The following CYGB variants were observed in gnomAD, a reference collection of about 807,000 sequenced individuals.
CYGB encodes histoglobin.
In CYGB, 13 loss-of-function variants were observed where a neutral mutation model predicts 20.7. The observed-to-expected ratio is 0.63, with a 90% CI of 0.41 to 1.00. The LOEUF is 1.00. CYGB is among the 50% of genes least tolerant of loss of function. The probability of loss-of-function intolerance (pLI) is 0.00; values close to 1 mark genes in which losing one functional copy is unlikely to be tolerated. For missense variants in CYGB, 218 were observed against 257.2 expected (o/e 0.85, Z 1.04); for synonymous variants, 93 against 107.4 (o/e 0.87, Z 0.83).
rs2074780719 is a variant in CYGB, at chr17:76,527,408, C to T, written c.*1170G>A. ...CACAGCTGGGTCTGGTTACAAACAT[C>T]AGAAACTAGAAAAGGAGGACGGGCG... is the stretch of plus-strand genomic sequence containing the variant. On this transcript the variant is annotated 3_prime_UTR_variant, in exon 4 of 4. Coordinates refer to ENST00000293230, the MANE Select transcript of CYGB (RefSeq NM_134268.5). 5.5e-6 allele frequency: 2 copies of T among 362,168 alleles called. No individual in the cohort carries two copies. The highest frequency in any genetic ancestry group is 2.1e-5 in the African/African-American group (1 of 46,716). The allele number at this position is 362,168 out of a possible 1,614,324, so 22.4% of individuals were successfully genotyped here. A position where few individuals can be genotyped will look rare whatever the true frequency, so the allele number is the denominator to read the frequency against.
At position 76,546,806 on chromosome 17, in the gene CYGB, A is replaced by G. The variant is rs2075057980; in HGVS notation, c.-53+4056T>C. The G allele has an allele frequency of 6.6e-6, 1 of 152,180 alleles. No homozygotes were observed. The highest frequency in any genetic ancestry group is 6.5e-5 in the Admixed American group (1 of 15,278). The allele number at this position is 152,180 out of a possible 1,614,324, so 9.4% of individuals were successfully genotyped here. ...TGCTAGGCACTGTGCCAGCTGCTGT[A>G]TTTTACGCACTGTTTCATTTATGCG... On this transcript the variant is annotated intron_variant, in intron 1 of 3. Coordinates refer to the CYGB transcript ENST00000589145. This position sits in a 1 kb window ranked among gnomAD's most constrained non-coding sequence, Gnocchi z 4.5.
At chr17:76,537,158 G>A (rs960115036) in intron 1 of CYGB, among the ~76,000 whole-genome samples, 1 of 152,208 alleles carries the variant, frequency 6.6e-6, no homozygotes, top group African/African-American at 2.4e-5. Flanking sequence ...GAGGGGGACC[G>A]AGGTGCTCTC....
intron 1 of CYGB, among the ~76,000 whole-genome samples, chr17:76,534,012 T>C (rs2074880843): frequency 6.6e-6 from 1 of 152,204 alleles, no homozygotes; most frequent in African/African-American, 2.4e-5. Context: ...TACTCCAGCT[T>C]GGGTGACAGA....
At position 76,530,070 on chromosome 17, in the gene CYGB, G is replaced by A. The variant is rs1272399236; in HGVS notation, c.539+909C>T. The A allele has an allele frequency of 5.1e-6, 5 of 985,142 alleles. No individual in the cohort carries two copies. The highest frequency in any genetic ancestry group is 6.0e-6 in the Non-Finnish European group (5 of 829,862). 61.0% of individuals were successfully genotyped at this position (985,142 alleles called of 1,614,324 possible). On this transcript the variant is annotated intron_variant, in intron 3 of 3. Coordinates refer to ENST00000293230, the MANE Select transcript of CYGB (RefSeq NM_134268.5). The surrounding 1 kb of genome is among the most constrained non-coding windows in gnomAD (Gnocchi z 6.1). ...CTTGGGGGCCCGTGCAGAGCCCGGC[G>A]GGAGACGCCGCCTTTTCCATGGGAA...
In CYGB at chr17:76,531,777, A is replaced by T. The variant is rs888196367; in HGVS notation, c.144-86T>A. The T allele has an allele frequency of 2.8e-6, 3 of 1,077,214 alleles. No individual in the cohort carries two copies. Among genetic ancestry groups the T allele is most frequent in the Non-Finnish European group, 4.1e-6 (3 of 739,670 alleles). The allele number at this position is 1,077,214 out of a possible 1,614,324, so 66.7% of individuals were successfully genotyped here. A position where few individuals can be genotyped will look rare whatever the true frequency, so the allele number is the denominator to read the frequency against. ...CTTCCAGGATAGTGGGGGCTGAAGA[A>T]GTGGACCGCAGTGCTCCCCACCCCC... On this transcript the variant is annotated intron_variant, in intron 1 of 3. Coordinates refer to ENST00000293230, the MANE Select transcript of CYGB (RefSeq NM_134268.5). The surrounding 1 kb of genome is among the most constrained non-coding windows in gnomAD (Gnocchi z 7.4).
chr17:76,546,766 T>G lies in CYGB; in HGVS notation c.-53+4096A>C, dbSNP rs1032468204. 1 of 152,226 alleles carries G rather than the reference T, an allele frequency of 6.6e-6. No homozygotes were observed. The highest frequency in any genetic ancestry group is 2.4e-5 in the African/African-American group (1 of 41,442). The allele number at this position is 152,226 out of a possible 1,614,324, so 9.4% of individuals were successfully genotyped here. On this transcript the variant is annotated intron_variant, in intron 1 of 3. Transcript: ENST00000589145. The surrounding 1 kb of genome is among the most constrained non-coding windows in gnomAD (Gnocchi z 4.5). The stretch of plus-strand genomic sequence containing the variant: ...ATGATTAATAACCACTAACATGCAT[T>G]GGGCGCTTACTATGTGCTAGGCACT...
intron 1 of CYGB, chr17:76,550,486 TC>T (rs999632792): frequency 6.4e-4 from 98 of 152,158 alleles, no homozygotes; most frequent in African/African-American, 2.3e-3. Context: ...GGTCTCAAAC[TC>T]CTGACCTCAG....
At position 76,530,857 on chromosome 17, in the gene CYGB, C is replaced by G. The variant is rs1174362776; in HGVS notation, c.539+122G>C. ...CTTACATGTCAGACCCCAGGGTTGG[C>G]CTGCCTCAAGTGTGCCTGCCCAGGT... On this transcript the variant is annotated intron_variant, in intron 3 of 3. Transcript: ENST00000293230. This position sits in a 1 kb window ranked among gnomAD's most constrained non-coding sequence, Gnocchi z 6.1. 3 of 1,161,892 alleles carry G rather than the reference C, an allele frequency of 2.6e-6. No individual in the cohort carries two copies. The highest frequency in any genetic ancestry group is 2.9e-5 in the Admixed American group (1 of 35,004). The allele number at this position is 1,161,892 out of a possible 1,614,324, so 72.0% of individuals were successfully genotyped here.
rs1020216741 is a variant in CYGB, at chr17:76,537,642, C to G, written c.-100G>C. 2 of 964,944 alleles carry G rather than the reference C, an allele frequency of 2.1e-6. No homozygotes were observed. Among genetic ancestry groups the G allele is most frequent in the African/African-American group, 1.8e-5 (1 of 55,146 alleles). The allele number at this position is 964,944 out of a possible 1,614,324, so 59.8% of individuals were successfully genotyped here. A position where few individuals can be genotyped will look rare whatever the true frequency, so the allele number is the denominator to read the frequency against. ...CGGGAGCCGGGGCCGGCTGCGTGCGCGGCGGGCGGGCGAGGGGTAGAGCGC... is the reference window on the plus strand; with the variant it reads ...CGGGAGCCGGGGCCGGCTGCGTGCGGGGCGGGCGGGCGAGGGGTAGAGCGC... On this transcript the variant is annotated 5_prime_UTR_variant, in exon 1 of 4. Transcript: ENST00000293230.
At chr17:76,535,375 G>A (rs2074903412) in intron 1 of CYGB, among the ~76,000 whole-genome samples, 2 of 152,166 alleles carry the variant, frequency 1.3e-5, no homozygotes, top group African/African-American at 2.4e-5. Flanking sequence ...CAAGACTGAC[G>A]GGCCCAGGAT....
At chr17:76,544,045 G>A (rs1459619514) in intron 1 of CYGB, 3 of 454,782 alleles carry the variant, frequency 6.6e-6, no homozygotes, top group South Asian at 4.7e-5. Context: ...TGCCTCCTTT[G>A]CCCCCAGCTG....
upstream of CYGB, among the ~76,000 whole-genome samples, chr17:76,542,042 G>A (rs1002238406): frequency 6.6e-6 from 1 of 152,152 alleles, no homozygotes; most frequent in African/African-American, 2.4e-5. Flanking sequence ...GGATTGGCAG[G>A]ACATGTGTTT....
upstream of CYGB, chr17:76,538,254 G>T (rs1014095651): frequency 1.6e-5 from 3 of 187,780 alleles, no homozygotes; most frequent in African/African-American, 7.2e-5. Context: ...GCCTCTCCCC[G>T]CGCCCCCGAG....
At position 76,530,883 on chromosome 17, in the gene CYGB, G is replaced by C; in HGVS notation, c.539+96C>G. ...CTGCCTCAAGTGTGCCTGCCCAGGTGATCAGCCCCAGGGCCTCAGGAGATA... is the reference window on the plus strand; with the variant it reads ...CTGCCTCAAGTGTGCCTGCCCAGGTCATCAGCCCCAGGGCCTCAGGAGATA... On this transcript the variant is annotated intron_variant, in intron 3 of 3. Transcript: ENST00000293230. This position sits in a 1 kb window ranked among gnomAD's most constrained non-coding sequence, Gnocchi z 6.1. 7.2e-7 allele frequency: 1 copy of C among 1,381,996 alleles called. No homozygotes were observed. The highest frequency in any genetic ancestry group is 9.7e-7 in the Non-Finnish European group (1 of 1,034,798). 85.6% of individuals were successfully genotyped at this position (1,381,996 alleles called of 1,614,324 possible).
chr17:76,534,025 A>G, intron 1 of CYGB, among the ~76,000 whole-genome samples: 1 of 152,160 alleles, frequency 6.6e-6, no homozygotes. Flanking sequence ...GTGACAGAGC[A>G]AGACCCTGAC....
At chr17:76,537,368 C>A (rs747878066) in intron 1 of CYGB, 32 bp downstream of exon 1, 4 of 1,565,294 alleles carry the variant, frequency 2.6e-6, no homozygotes, top group Non-Finnish European at 2.6e-6. Flanking sequence ...GCCCTCCCTG[C>A]CCAGGGCCCG....
At chr17:76,543,910 C>A (rs773379904) in intron 1 of CYGB, 1 of 470,846 alleles carries the variant, frequency 2.1e-6, no homozygotes, top group South Asian at 1.5e-5. Context: ...CAACGGACAG[C>A]TTGTCCTCCG....
rs757521710 is a variant in CYGB, at chr17:76,537,399, C to A, written c.143+1G>T. 6.3e-7 allele frequency: 1 copy of A among 1,591,312 alleles called. No individual in the cohort carries two copies. The highest frequency in any genetic ancestry group is 2.4e-5 in the East Asian group (1 of 41,854). On this transcript the variant is annotated splice_donor_variant, in intron 1 of 3. Transcript: ENST00000293230. LOFTEE classifies it high-confidence loss of function. ...GCCCGGCCGGGCCGGGCGACACCTA[C>A]CTCACCAGGATGGCCACCCCCACGT...
Position 76,537,417 on chromosome 17 carries a change from C to A in CYGB, c.126G>T (p.Gly42=), listed in dbSNP as rs758975300. The change falls in exon 1 of 4, where the codon GGG becomes GGT. Residue 42 remains glycine (G), a synonymous_variant. Coordinates refer to ENST00000293230, the MANE Select transcript of CYGB (RefSeq NM_134268.5). ...ACACCTACCTCACCAGGATGGCCAC[C>A]CCCACGTCCTCGCAGTTGGCATAGA... ...ARLYANCEDV[G]VAILVRFFVN... is the part of the protein sequence containing the mutation. The A allele has an allele frequency of 1.3e-6, 2 of 1,598,004 alleles. No homozygotes were observed. The highest frequency in any genetic ancestry group is 1.7e-6 in the Non-Finnish European group (2 of 1,172,614).
Sources: gnomAD v4.1 joint callset for allele counts (sites outside exome capture counted in the v4.1 genomes callset) on GRCh38, gnomAD v4.1.1 for gene constraint, Gnocchi (gnomAD v3.1) non-coding constraint, MANE v1.5 for transcripts, NCBI Gene and HGNC (gene_info 2026-07-23, HGNC 2026-07-21) for gene names.